Variants in FARS2 observed in about 807,000 individuals in gnomAD.
FARS2 encodes the protein phenylalanyl-tRNA synthetase 2, mitochondrial, also known as phenylalanine--tRNA ligase, mitochondrial.
A neutral mutation model predicts 46.4 loss-of-function variants in FARS2; 40 were observed. The ratio of observed to expected loss-of-function variants is 0.86; its 90% CI spans 0.67 to 1.12. The LOEUF (loss-of-function observed/expected upper bound fraction) is 1.12, where lower values mean the gene tolerates loss of function less well. FARS2 is among the 50% of genes most tolerant of loss of function. The pLI is 0.00. For missense variants in FARS2, 513 were observed against 567.9 expected (o/e 0.90, Z 0.98); for synonymous variants, 234 against 214.9 (o/e 1.09, Z -0.78).
rs77097978 is a variant in FARS2, at chr6:5,425,684, T to C, written c.773-5357T>C. Among the ~76,000 whole-genome samples, 601 of 152,350 alleles carry C rather than the reference T, an allele frequency of 3.9e-3. 2 individuals carry two copies. The highest frequency in any genetic ancestry group is 0.014 in the African/African-American group (582 of 41,576). On this transcript the variant is annotated intron_variant, in intron 3 of 6. Coordinates refer to ENST00000274680, the MANE Select transcript of FARS2 (RefSeq NM_006567.5). ...AGGCTTAGAATTCTTGCTATACCTC[T>C]TCCATTTGGGCTCATGTCACTGTCC...
rs991606037 is a variant in FARS2, at chr6:5,510,522, C to T, written c.905-34658C>T. 5.3e-5 allele frequency among the ~76,000 whole-genome samples: 8 copies of T among 152,352 alleles called. No individual in the cohort carries two copies. The East Asian group carries it at 7.7e-4, about 15-fold the overall frequency. ...TTTAAGCTCCTGAATGCCCGCCGCA[C>T]GCCCAGGGCTTTGCACACGGTGGGC... On this transcript the variant is annotated intron_variant, in intron 4 of 6. Transcript: ENST00000274680.
At chr6:5,501,443 C>T (rs939483706) in intron 4 of FARS2, among the ~76,000 whole-genome samples, 1 of 151,920 alleles carries the variant, frequency 6.6e-6, no homozygotes, top group Non-Finnish European at 1.5e-5. Flanking sequence ...TGCCTTTAAC[C>T]TTCCTAATTA....
intron 5 of FARS2, among the ~76,000 whole-genome samples, chr6:5,568,389 G>A (rs1231152707): frequency 6.6e-6 from 1 of 152,118 alleles, no homozygotes; most frequent in African/African-American, 2.4e-5. Context: ...AAACATTTCT[G>A]AGCATCTGCT....
At chr6:5,301,792 C>CACACACAT in intron 1 of FARS2, among the ~76,000 whole-genome samples, 1 of 125,136 alleles carries the variant, frequency 8.0e-6, no homozygotes, top group Non-Finnish European at 1.7e-5. Flanking sequence ...GATGCTATCT[C>CACACACAT]ACACACACAT....
intron 5 of FARS2, chr6:5,609,702 C>T (rs1775063360): frequency 2.1e-6 from 3 of 1,406,724 alleles, no homozygotes; most frequent in Non-Finnish European, 3.0e-6. Context: ...TTCTGAATGA[C>T]AGTCTTATCC....
At chr6:5,492,624 T>C (rs1767190571) in intron 4 of FARS2, among the ~76,000 whole-genome samples, 1 of 152,244 alleles carries the variant, frequency 6.6e-6, no homozygotes, top group South Asian at 2.1e-4. Context: ...ATGTTGGCAG[T>C]TGGCATATTT....
chr6:5,711,979 CT>C (rs1759201789), intron 6 of FARS2, among the ~76,000 whole-genome samples: 1 of 152,104 alleles, frequency 6.6e-6, no homozygotes, highest in Non-Finnish European at 1.5e-5. Flanking sequence ...TCTGCAGTAT[CT>C]TTCCAATTTT....
chr6:5,715,792 C>T (rs1759457596), intron 6 of FARS2, among the ~76,000 whole-genome samples: 2 of 152,152 alleles, frequency 1.3e-5, no homozygotes, highest in Admixed American at 1.3e-4. Context: ...ATGTGTTTTT[C>T]TGTAGATTAA....
chr6:5,562,947 G>A (rs1433007545), intron 5 of FARS2, among the ~76,000 whole-genome samples: 2 of 151,616 alleles, frequency 1.3e-5, no homozygotes, highest in Non-Finnish European at 2.9e-5. Flanking sequence ...GGGATTACAG[G>A]CACCTGCCAC....
intron 6 of FARS2, among the ~76,000 whole-genome samples, chr6:5,663,048 T>C (rs77116225): frequency 1.8e-3 from 269 of 152,332 alleles, no homozygotes; most frequent in African/African-American, 6.3e-3. Context: ...GCAGTTTCAT[T>C]TGGGAAACAC....
At chr6:5,274,735 G>A (rs1287311853) in intron 1 of FARS2, among the ~76,000 whole-genome samples, 1 of 151,510 alleles carries the variant, frequency 6.6e-6, no homozygotes, top group Non-Finnish European at 1.5e-5. Flanking sequence ...TTTTGAGACA[G>A]GGTCTTGCTC....
chr6:5,321,366 A>G (rs1166293022), intron 1 of FARS2, among the ~76,000 whole-genome samples: 1 of 152,206 alleles, frequency 6.6e-6, no homozygotes, highest in Non-Finnish European at 1.5e-5. Flanking sequence ...GTAGCCTTTA[A>G]GGTAGATCTA....
chr6:5,444,749 T>G lies in FARS2; in HGVS notation c.904+13577T>G, dbSNP rs887411676. Reference sequence around the variant, plus strand: ...CCACTCCTCATCCCAATGTTCGTTATTCTTTCTTCAGGCTCATGGAAACAG... The same window carrying G: ...CCACTCCTCATCCCAATGTTCGTTAGTCTTTCTTCAGGCTCATGGAAACAG... On this transcript the variant is annotated intron_variant, in intron 4 of 6. Transcript: ENST00000274680. Among the ~76,000 whole-genome samples the G allele has an allele frequency of 2.0e-5, 3 of 150,500 alleles. 1 individual carries two copies. The highest frequency in any genetic ancestry group is 4.3e-4 in the South Asian group (2 of 4,666).
chr6:5,313,740 AGTG>A (rs752818332), intron 1 of FARS2, among the ~76,000 whole-genome samples: 14 of 152,122 alleles, frequency 9.2e-5, no homozygotes, highest in Non-Finnish European at 1.6e-4. Context: ...GTGGTGGAGA[AGTG>A]GTCATAGGTG....
At chr6:5,254,200 T>C in the FARS2 span, among the ~76,000 whole-genome samples, 1 of 152,218 alleles carries the variant, frequency 6.6e-6, no homozygotes, top group Non-Finnish European at 1.5e-5. Context: ...CTTGACTGCA[T>C]GTCACAAAAC....
Position 5,739,608 on chromosome 6 carries a change from A to G in FARS2, c.1218-31683A>G, listed in dbSNP as rs564883453. Among the ~76,000 whole-genome samples, 24 of 152,362 alleles carry G rather than the reference A, an allele frequency of 1.6e-4. 1 individual carries two copies. The South Asian group carries it at 5.0e-3, about 32-fold the overall frequency. The stretch of plus-strand genomic sequence containing the variant: ...TCTTCACGGGAAATGTCTACAAGAC[A>G]GATGTATGTTTCTCAGGCTAGCAGC... On this transcript the variant is annotated intron_variant, in intron 6 of 6. Coordinates refer to ENST00000274680, the MANE Select transcript of FARS2 (RefSeq NM_006567.5).
intron 4 of FARS2, among the ~76,000 whole-genome samples, chr6:5,465,021 A>G (rs1765438679): frequency 6.6e-6 from 1 of 152,202 alleles, no homozygotes; most frequent in Admixed American, 6.5e-5. Flanking sequence ...GGAAGCTTGA[A>G]CTGAGTTATG....
intron 4 of FARS2, among the ~76,000 whole-genome samples, chr6:5,439,286 T>A (rs1763710314): frequency 6.6e-6 from 1 of 152,188 alleles, no homozygotes; most frequent in Non-Finnish European, 1.5e-5. Flanking sequence ...AATTCGGGCA[T>A]CCTTTCCTGG....
intron 4 of FARS2, among the ~76,000 whole-genome samples, chr6:5,513,639 G>C (rs547615219): frequency 4.3e-4 from 65 of 152,280 alleles, no homozygotes; most frequent in African/African-American, 1.5e-3. Context: ...CTGTTCCTGA[G>C]CCTCTTCTGT....
Sources: allele counts gnomAD v4.1 joint callset (sites outside exome capture counted in the v4.1 genomes callset), GRCh38; gene constraint gnomAD v4.1.1; transcripts MANE v1.5; gene names NCBI Gene and HGNC (gene_info 2026-07-23, HGNC 2026-07-21).